PTPRN2: variants seen among roughly 807,000 people sequenced by gnomAD.
The protein encoded by PTPRN2 is protein tyrosine phosphatase receptor type N2.
A neutral mutation model predicts 118.8 loss-of-function variants in PTPRN2; 74 were observed. The ratio of observed to expected loss-of-function variants is 0.62; its 90% CI spans 0.52 to 0.76. The LOEUF (loss-of-function observed/expected upper bound fraction) is 0.76. Ranked by LOEUF, PTPRN2 falls within the 30% of genes least tolerant of loss-of-function variation. The pLI is 0.00. For missense variants in PTPRN2, 1,481 were observed against 1,394.4 expected, an observed-to-expected ratio of 1.06 and a Z score of -0.99; for synonymous variants, 641 against 608.0, an observed-to-expected ratio of 1.05 and a Z score of -0.80.
At chr7:158,561,514 A>AT (rs942977759) in intron 1 of PTPRN2, among the ~76,000 whole-genome samples, 8 of 152,184 alleles carry the variant, frequency 5.3e-5, no homozygotes, top group East Asian at 3.9e-4. Flanking sequence ...TGATATTTCA[A>AT]TTTTTTTTAT....
intron 11 of PTPRN2, among the ~76,000 whole-genome samples, chr7:158,048,830 C>G (rs1376171226): frequency 9.3e-6 from 1 of 107,144 alleles, no homozygotes; most frequent in Non-Finnish European, 2.0e-5. Context: ...TCACCATTAT[C>G]ACCATCGCAT....
chr7:158,219,541 T>A (rs1258092239), intron 3 of PTPRN2, among the ~76,000 whole-genome samples: 1 of 151,698 alleles, frequency 6.6e-6, no homozygotes, highest in Non-Finnish European at 1.5e-5. Flanking sequence ...ATCCCAAAGC[T>A]AGCAGAAGAA....
intron 11 of PTPRN2, among the ~76,000 whole-genome samples, chr7:158,001,134 A>G (rs1805218145): frequency 2.1e-5 from 1 of 47,298 alleles, no homozygotes; most frequent in African/African-American, 9.3e-5. Flanking sequence ...GTTTGGCCGC[A>G]GGTGGGGTGC....
At chr7:158,353,169 C>T (rs1379774431) in intron 2 of PTPRN2, among the ~76,000 whole-genome samples, 1 of 152,266 alleles carries the variant, frequency 6.6e-6, no homozygotes, top group Non-Finnish European at 1.5e-5. Flanking sequence ...GCACCCCCTG[C>T]CTCACACCAC....
chr7:157,744,003 T>C (rs1384361055), intron 12 of PTPRN2, among the ~76,000 whole-genome samples: 1 of 152,258 alleles, frequency 6.6e-6, no homozygotes, highest in Non-Finnish European at 1.5e-5. Flanking sequence ...GCGATGCTGC[T>C]GCAGGAGACG....
At chr7:158,450,690 C>T (rs904153609) in intron 2 of PTPRN2, among the ~76,000 whole-genome samples, 5 of 152,224 alleles carry the variant, frequency 3.3e-5, no homozygotes, top group Non-Finnish European at 5.9e-5. Context: ...GTCGCCCCGT[C>T]ATGGCTAAAT....
At chr7:157,774,310 C>T (rs1215149063) in intron 12 of PTPRN2, among the ~76,000 whole-genome samples, 1 of 152,240 alleles carries the variant, frequency 6.6e-6, no homozygotes, top group Admixed American at 6.5e-5. Context: ...CTTTATACAA[C>T]AGGGCAAGGG....
chr7:158,152,363 G>T (rs1387598137), intron 6 of PTPRN2, among the ~76,000 whole-genome samples: 2 of 152,112 alleles, frequency 1.3e-5, no homozygotes, highest in East Asian at 3.9e-4. Flanking sequence ...GGCCTAGTGG[G>T]GCCTGGGAAG....
chr7:157,610,109 G>C lies in PTPRN2; in HGVS notation c.2345-6034C>G, dbSNP rs1176384257. Among the ~76,000 whole-genome samples, 1 of 152,190 alleles carries C rather than the reference G, an allele frequency of 6.6e-6. No homozygotes were observed. The highest frequency in any genetic ancestry group is 2.4e-5 in the African/African-American group (1 of 41,448). ...CTGGCTTGCTGTCCACACTCAGGAA[G>C]CTGCTCTGCAGGGCCAAGAATCTGC... On this transcript the variant is annotated intron_variant, in intron 15 of 22. Transcript: ENST00000389418. This position sits in a 1 kb window ranked among gnomAD's most constrained non-coding sequence, Gnocchi z 5.1.
At chr7:157,649,320 A>T (rs1435598702) in intron 14 of PTPRN2, among the ~76,000 whole-genome samples, 7 of 85,270 alleles carry the variant, frequency 8.2e-5, no homozygotes, top group Non-Finnish European at 1.3e-4. Context: ...GGTCGGACCC[A>T]TTCACTGTGC....
At chr7:157,704,484 A>G (rs1310908908) in intron 12 of PTPRN2, among the ~76,000 whole-genome samples, 1 of 152,268 alleles carries the variant, frequency 6.6e-6, no homozygotes, top group East Asian at 1.9e-4. Flanking sequence ...AGAGTGCAAG[A>G]GACCACGTGT....
chr7:157,855,682 C>T (rs1809660479), intron 12 of PTPRN2, among the ~76,000 whole-genome samples: 1 of 152,228 alleles, frequency 6.6e-6, no homozygotes, highest in African/African-American at 2.4e-5. Context: ...TGAGGGATGC[C>T]TGTGGCTGAG....
At chr7:158,045,226 A>G (rs571221351) in intron 11 of PTPRN2, among the ~76,000 whole-genome samples, 1 of 152,360 alleles carries the variant, frequency 6.6e-6, no homozygotes, top group East Asian at 1.9e-4. Context: ...ACAGCAGCCC[A>G]TTCTTTGTTT....
chr7:158,236,692 C>T (rs575385093), intron 3 of PTPRN2, among the ~76,000 whole-genome samples: 1 of 152,224 alleles, frequency 6.6e-6, no homozygotes, highest in Non-Finnish European at 1.5e-5. Flanking sequence ...TTACCCGGTG[C>T]AACCTGTCCC....
chr7:158,333,740 A>C (rs1804980146), intron 2 of PTPRN2, among the ~76,000 whole-genome samples: 2 of 146,210 alleles, frequency 1.4e-5, no homozygotes, highest in Non-Finnish European at 3.0e-5. Flanking sequence ...TCACACACAT[A>C]CTCTCACCAT....
chr7:157,922,880 G>T (rs1044936670), intron 11 of PTPRN2, among the ~76,000 whole-genome samples: 2 of 152,220 alleles, frequency 1.3e-5, no homozygotes, highest in Non-Finnish European at 2.9e-5. Context: ...CTGTGCTTCA[G>T]AGCAAAATGA....
intron 1 of PTPRN2, among the ~76,000 whole-genome samples, chr7:158,506,284 G>A (rs941800424): frequency 1.3e-5 from 2 of 152,208 alleles, no homozygotes; most frequent in African/African-American, 4.8e-5. Context: ...CCAGACTCAG[G>A]TGGGGCTGCC....
chr7:158,245,211 G>A (rs1796155010), intron 3 of PTPRN2, among the ~76,000 whole-genome samples: 1 of 99,712 alleles, frequency 1.0e-5, no homozygotes, highest in Non-Finnish European at 2.2e-5. Flanking sequence ...GGAATCCACG[G>A]TCATGCCGGA....
Position 157,729,002 on chromosome 7 carries a change from C to T in PTPRN2, c.1789-46065G>A, listed in dbSNP as rs148203703. 1.2e-4 allele frequency among the ~76,000 whole-genome samples: 19 copies of T among 152,308 alleles called. No homozygotes were observed. The highest frequency in any genetic ancestry group is 3.8e-4 in the African/African-American group (16 of 41,570). On this transcript the variant is annotated intron_variant, in intron 12 of 22. Coordinates refer to ENST00000389418, the MANE Select transcript of PTPRN2 (RefSeq NM_002847.5). The surrounding 1 kb of genome is among the most constrained non-coding windows in gnomAD (Gnocchi z 4.3). ...CCCGGGGCCAGGGGAGTTTGGCTCA[C>T]GTGATCCAGTCACACAGAGGTCGGT...
Sources: allele counts gnomAD v4.1 joint callset (sites outside exome capture counted in the v4.1 genomes callset), GRCh38; gene constraint gnomAD v4.1.1; non-coding constraint Gnocchi (gnomAD v3.1); transcripts MANE v1.5; gene names NCBI Gene and HGNC (gene_info 2026-07-23, HGNC 2026-07-21).